Variants in COG7 observed in about 807,000 individuals in gnomAD.
The protein encoded by COG7 is component of oligomeric golgi complex 7.
Under a neutral mutation model 91.5 loss-of-function variants are expected in COG7, and 49 were observed. The ratio of observed to expected loss-of-function variants is 0.54; its 90% CI spans 0.43 to 0.68. The LOEUF is 0.68. Ranked by LOEUF, COG7 falls within the 30% of genes least tolerant of loss-of-function variation. The probability of loss-of-function intolerance (pLI) is 0.00; values close to 1 mark genes in which losing one functional copy is unlikely to be tolerated. For synonymous variants in COG7, 365 were observed against 388.7 expected, an observed-to-expected ratio of 0.94 and a Z score of 0.72; for missense variants, 895 against 961.3, an observed-to-expected ratio of 0.93 and a Z score of 0.91.
At chr16:23,433,936 T>C (rs766933611) in intron 5 of COG7, among the ~76,000 whole-genome samples, 30 of 152,114 alleles carry the variant, frequency 2.0e-4, no homozygotes, top group Admixed American at 6.6e-5. Context: ...GTGCAACCAC[T>C]TGGCACACCA....
chr16:23,411,511 A>T (rs570576987), intron 10 of COG7, among the ~76,000 whole-genome samples: 75 of 152,272 alleles, frequency 4.9e-4, no homozygotes, highest in East Asian at 2.1e-3. Flanking sequence ...CATTTTTTTT[A>T]AATTTTATTT....
In COG7 at chr16:23,423,327, G is replaced by T. The variant is rs1054778220; in HGVS notation, c.1009+1422C>A. Among the ~76,000 whole-genome samples, 48 of 151,524 alleles carry T rather than the reference G, an allele frequency of 3.2e-4. 1 individual carries two copies. The highest frequency in any genetic ancestry group is 2.9e-5 in the Non-Finnish European group (2 of 67,842). ...GGTTACAGTGAGCCAAGATCACACC[G>T]CTGCACTCCAGCCTGGGCGAGAGTG... is the stretch of plus-strand genomic sequence containing the variant. On this transcript the variant is annotated intron_variant, in intron 7 of 16. Coordinates refer to ENST00000307149, the MANE Select transcript of COG7 (RefSeq NM_153603.4).
rs200982091 is a variant in COG7 at position 23,388,890 on chromosome 16, G to C, written c.*30C>G. ...GGTGAGTCGCGAAACAGCAGCCCTG[G>C]CTCTCTTGGTGGTCCGGTGTGTGGT... On this transcript the variant is annotated 3_prime_UTR_variant, in exon 17 of 17. Coordinates refer to ENST00000307149, the MANE Select transcript of COG7 (RefSeq NM_153603.4). 2.2e-3 allele frequency: 3,605 copies of C among 1,613,726 alleles called. 9 individuals are homozygous for C. Among genetic ancestry groups the C allele is most frequent in the Non-Finnish European group, 2.8e-3 (3,308 of 1,179,832 alleles).
At chr16:23,427,229 C>T (rs994080222) in intron 6 of COG7, among the ~76,000 whole-genome samples, 1 of 151,818 alleles carries the variant, frequency 6.6e-6, no homozygotes, top group Non-Finnish European at 1.5e-5. Flanking sequence ...CCAGCCTGGG[C>T]GAAAGAGCAA....
chr16:23,421,903 C>T (rs936009765), intron 7 of COG7, among the ~76,000 whole-genome samples: 1 of 150,362 alleles, frequency 6.7e-6, no homozygotes, highest in African/African-American at 2.4e-5. Flanking sequence ...TCAAAGTTTT[C>T]ATTTCTGAGC....
intron 7 of COG7, among the ~76,000 whole-genome samples, chr16:23,421,820 C>A (rs1432263747): frequency 6.7e-6 from 1 of 148,470 alleles, no homozygotes; most frequent in Non-Finnish European, 1.5e-5. Flanking sequence ...CACTGCACTC[C>A]CGCCTGGGCA....
intron 14 of COG7, among the ~76,000 whole-genome samples, 193 bp downstream of exon 14, chr16:23,397,853 G>A (rs1489250520): frequency 2.0e-5 from 3 of 152,158 alleles, no homozygotes; most frequent in Non-Finnish European, 2.9e-5. Context: ...GAATGTGCTG[G>A]GGTCTGGAAT....
intron 6 of COG7, among the ~76,000 whole-genome samples, chr16:23,431,116 T>C (rs562891350): frequency 1.0e-3 from 152 of 152,034 alleles, no homozygotes; most frequent in African/African-American, 3.4e-3. Flanking sequence ...ATAAAGCAAA[T>C]AGAGCAAAAT....
intron 7 of COG7, among the ~76,000 whole-genome samples, chr16:23,424,362 G>A (rs1192593303): frequency 2.0e-5 from 3 of 148,892 alleles, no homozygotes; most frequent in African/African-American, 7.4e-5. Flanking sequence ...TTTTGAGGTT[G>A]AAATGTCTGA....
At chr16:23,450,756 C>T (rs756034175) in intron 1 of COG7, among the ~76,000 whole-genome samples, 14 of 151,810 alleles carry the variant, frequency 9.2e-5, no homozygotes, top group Non-Finnish European at 1.9e-4. Context: ...TCCTCGAGCC[C>T]GAGAGGTGAA....
At chr16:23,437,190 T>A (rs1219140409) in intron 4 of COG7, among the ~76,000 whole-genome samples, 2 of 152,082 alleles carry the variant, frequency 1.3e-5, no homozygotes, top group Non-Finnish European at 2.9e-5. Context: ...ACAAAAGCTG[T>A]CAAAAACTGC....
chr16:23,397,938 A>G (rs577628682), intron 14 of COG7, 108 bp downstream of exon 14: 3 of 950,580 alleles, frequency 3.2e-6, no homozygotes, highest in African/African-American at 3.2e-5. Context: ...GGCTACCCAA[A>G]AGGGTCAGAT....
intron 6 of COG7, among the ~76,000 whole-genome samples, chr16:23,431,812 A>G (rs1302445448): frequency 1.3e-3 from 176 of 133,974 alleles, no homozygotes; most frequent in African/African-American, 4.9e-3. Flanking sequence ...CTGTCTGAAG[A>G]AAAAAAAAAA....
chr16:23,438,189 C>T (rs1964042776), intron 4 of COG7, among the ~76,000 whole-genome samples: 2 of 151,762 alleles, frequency 1.3e-5, no homozygotes, highest in Non-Finnish European at 2.9e-5. Context: ...AAGATATATT[C>T]AATAAAAGAA....
chr16:23,416,591 C>T, intron 9 of COG7: 1 of 308,600 alleles, frequency 3.2e-6, no homozygotes, highest in South Asian at 2.9e-5. Context: ...TCTTGGCCTC[C>T]CAAAGTACTG....
intron 10 of COG7, 99 bp downstream of exon 10, chr16:23,413,349 G>A (rs1285652147): frequency 6.3e-6 from 5 of 788,216 alleles, no homozygotes; most frequent in Admixed American, 1.7e-5. Flanking sequence ...GAAAAAAAAC[G>A]AACCCCTTCC....
chr16:23,434,085 T>C (rs554644987), intron 5 of COG7, among the ~76,000 whole-genome samples: 11 of 152,274 alleles, frequency 7.2e-5, no homozygotes, highest in African/African-American at 2.4e-4. Flanking sequence ...GTCAAGTTTT[T>C]TGGCAATCTA....
intron 10 of COG7, chr16:23,412,916 C>A (rs1195914765): frequency 1.2e-5 from 2 of 162,148 alleles, no homozygotes; most frequent in Admixed American, 1.2e-4. Context: ...GAACTACTGA[C>A]CTCAAGTGAT....
At chr16:23,431,240 G>A (rs1340071527) in intron 6 of COG7, among the ~76,000 whole-genome samples, 1 of 152,092 alleles carries the variant, frequency 6.6e-6, no homozygotes, top group Non-Finnish European at 1.5e-5. Context: ...AAATCTGAAG[G>A]AGACACATGT....
Sources: allele counts gnomAD v4.1 joint callset (sites outside exome capture counted in the v4.1 genomes callset), GRCh38; gene constraint gnomAD v4.1.1; transcripts MANE v1.5; gene names NCBI Gene and HGNC (gene_info 2026-07-23, HGNC 2026-07-21).